CCNH: variants seen among roughly 807,000 people sequenced by gnomAD.
CCNH encodes cyclin-H.
CCNH carries 31 observed loss-of-function variants against 41.9 expected under a neutral mutation model. That is an observed-to-expected ratio of 0.74 (90% CI 0.56 to 1.00). The LOEUF is 1.00. Ranked by LOEUF, CCNH falls within the 50% of genes least tolerant of loss-of-function variation. The pLI is 0.00. For missense variants in CCNH, 362 were observed against 388.4 expected (o/e 0.93, Z 0.57); for synonymous variants, 138 against 136.1 (o/e 1.01, Z -0.10).
the CCNH span, among the ~76,000 whole-genome samples, chr5:87,312,186 C>T: frequency 6.6e-6 from 1 of 152,156 alleles, no homozygotes; most frequent in East Asian, 1.9e-4. Context: ...TACATGTGGT[C>T]AGATTCTACA....
downstream of CCNH, chr5:87,390,973 AT>A: frequency 7.7e-7 from 1 of 1,298,622 alleles, no homozygotes; most frequent in Non-Finnish European, 1.1e-6. Context: ...TTGCCAAAAA[AT>A]AGCACACTTT....
chr5:87,320,379 C>G (rs1756696987), intron 9 of CCNH, among the ~76,000 whole-genome samples: 1 of 152,176 alleles, frequency 6.6e-6, no homozygotes, highest in Non-Finnish European at 1.5e-5. Flanking sequence ...TGTTCTCATA[C>G]TGCTACAAAG....
chr5:87,372,312 C>T, downstream of CCNH: 1 of 889,752 alleles, frequency 1.1e-6, no homozygotes. Flanking sequence ...GCCATGCTGC[C>T]ACTTGCTTCA....
At chr5:87,399,529 T>G (rs1389547673) in intron 6 of CCNH, 24 bp from the exon 7 acceptor site, 3 of 1,491,724 alleles carry the variant, frequency 2.0e-6, no homozygotes, top group Non-Finnish European at 2.8e-6. Context: ...AAAAAAGAAT[T>G]TAAACTGAAT....
At chr5:87,335,648 A>G (rs1231268037) in intron 9 of CCNH, among the ~76,000 whole-genome samples, 1 of 151,842 alleles carries the variant, frequency 6.6e-6, no homozygotes, top group East Asian at 1.9e-4. Flanking sequence ...GTAGTCTTGA[A>G]CTACTGACCT....
upstream of CCNH, among the ~76,000 whole-genome samples, chr5:87,380,953 T>G (rs933600785): frequency 7.2e-5 from 11 of 152,164 alleles, no homozygotes; most frequent in African/African-American, 2.2e-4. Flanking sequence ...AATTGACCGA[T>G]TTAGATATTA....
chr5:87,397,407 G>A (rs1251744306), intron 7 of CCNH, among the ~76,000 whole-genome samples: 2 of 152,040 alleles, frequency 1.3e-5, no homozygotes, highest in African/African-American at 2.4e-5. Flanking sequence ...TGATCCGCCC[G>A]CCTTAGCCTC....
At chr5:87,318,892 A>G (rs1471885709) in exon 10 of CCNH, 2 of 152,270 alleles carry the variant, frequency 1.3e-5, no homozygotes, top group East Asian at 1.9e-4. Context: ...CATTCCACCT[A>G]TGAGCCTGTA....
chr5:87,369,443 A>G (rs1473402381), intron 9 of CCNH, among the ~76,000 whole-genome samples: 1 of 152,138 alleles, frequency 6.6e-6, no homozygotes, highest in African/African-American at 2.4e-5. Flanking sequence ...ATTACTTAGA[A>G]CATTTTTGGT....
chr5:87,340,019 C>G (rs1464095995), intron 9 of CCNH, among the ~76,000 whole-genome samples: 3 of 152,108 alleles, frequency 2.0e-5, no homozygotes, highest in African/African-American at 7.2e-5. Flanking sequence ...AGAATGTATG[C>G]TCTCTGAGGG....
chr5:87,336,417 T>C (rs1477981464), intron 9 of CCNH, among the ~76,000 whole-genome samples: 6 of 152,064 alleles, frequency 3.9e-5, no homozygotes, highest in African/African-American at 1.4e-4. Context: ...TAAATAATAC[T>C]TTGATGATAT....
chr5:87,331,092 T>A lies in CCNH; in HGVS notation c.*91-12195A>T. ...GCAGGCAATCCTGGAAGTAGGGAGA[T>A]GGGTAGAAATGGAAGAGATTTATAT... On this transcript the variant is annotated intron_variant and NMD_transcript_variant, in intron 9 of 9. Transcript: ENST00000645953. 1.5e-5 allele frequency: 14 copies of A among 917,904 alleles called. 2 individuals carry two copies. The South Asian group carries it at 2.5e-4, about 16-fold the overall frequency. The allele number at this position is 917,904 out of a possible 1,614,324, so 56.9% of individuals were successfully genotyped here.
At chr5:87,384,923 T>C (rs1212035881) in intron 9 of CCNH, among the ~76,000 whole-genome samples, 1 of 152,096 alleles carries the variant, frequency 6.6e-6, no homozygotes, top group Non-Finnish European at 1.5e-5. Context: ...ATTGCTAACC[T>C]GAGTAGGTTG....
intron 9 of CCNH, among the ~76,000 whole-genome samples, chr5:87,331,767 TTGAG>T (rs1351505588): frequency 1.3e-5 from 2 of 152,258 alleles, no homozygotes; most frequent in African/African-American, 4.8e-5. Context: ...CAAATAAACT[TTGAG>T]TGGTAAGGCT....
At chr5:87,359,736 T>C (rs1461023275) in intron 9 of CCNH, among the ~76,000 whole-genome samples, 1 of 152,228 alleles carries the variant, frequency 6.6e-6, no homozygotes, top group African/African-American at 2.4e-5. Context: ...AATTTTTTTA[T>C]ATTCCTAAGT....
At chr5:87,329,558 G>A (rs939864920) in intron 9 of CCNH, among the ~76,000 whole-genome samples, 1 of 152,124 alleles carries the variant, frequency 6.6e-6, no homozygotes, top group Non-Finnish European at 1.5e-5. Context: ...ATGTATCTCT[G>A]TGTATCATTT....
downstream of CCNH, chr5:87,389,204 G>A (rs919130498): frequency 5.5e-6 from 3 of 546,734 alleles, no homozygotes; most frequent in Admixed American, 3.1e-5. Context: ...GGTGGCAGGT[G>A]CCTGTAATCC....
upstream of CCNH, chr5:87,379,882 T>TTG (rs748470400): frequency 1.3e-6 from 2 of 1,599,026 alleles, no homozygotes; most frequent in South Asian, 2.2e-5. Context: ...TGACAAGAAA[T>TTG]TGTGTATCTA....
At chr5:87,350,316 G>A (rs147900241) in intron 9 of CCNH, among the ~76,000 whole-genome samples, 1 of 151,930 alleles carries the variant, frequency 6.6e-6, no homozygotes, top group Admixed American at 6.6e-5. Flanking sequence ...GACAATCTGA[G>A]TTCTAGATGT....
Sources: allele counts gnomAD v4.1 joint callset (sites outside exome capture counted in the v4.1 genomes callset), GRCh38; gene constraint gnomAD v4.1.1; transcripts MANE v1.5; gene names NCBI Gene and HGNC (gene_info 2026-07-23, HGNC 2026-07-21).